The following IPMK variants were observed in gnomAD, a reference collection of about 807,000 sequenced individuals.
The protein encoded by IPMK is inositol polyphosphate multikinase, also known as inositol 1,3,4,6-tetrakisphosphate 5-kinase.
IPMK carries 17 observed loss-of-function variants against 45.8 expected under a neutral mutation model. The observed-to-expected ratio is 0.37, with a 90% CI of 0.25 to 0.56. IPMK has a LOEUF of 0.56. Among genes scored for constraint, IPMK ranks in the 20% least tolerant of loss-of-function variants. IPMK has a pLI of 0.79. For missense variants in IPMK, 399 were observed against 498.0 expected (o/e 0.80, Z 1.89); for synonymous variants, 180 against 184.3 (o/e 0.98, Z 0.19).
chr10:58,251,833 T>A (rs901858701), intron 1 of IPMK, among the ~76,000 whole-genome samples: 2 of 152,232 alleles, frequency 1.3e-5, no homozygotes, highest in Admixed American at 1.3e-4. Context: ...TTGCATGGAA[T>A]ATCTTTCTAT....
chr10:58,217,068 C>T (rs192385793), intron 3 of IPMK, among the ~76,000 whole-genome samples: 3 of 150,406 alleles, frequency 2.0e-5, no homozygotes, highest in Non-Finnish European at 3.0e-5. Flanking sequence ...AGCCTGGTCT[C>T]GAACTTCTGG....
At chr10:58,197,674 A>AG (rs1298190414) in intron 5 of IPMK, among the ~76,000 whole-genome samples, 36 of 70,750 alleles carry the variant, frequency 5.1e-4, no homozygotes, top group African/African-American at 4.5e-3. Context: ...AGAAAAGAAA[A>AG]AAAAAAAAAA....
At chr10:58,254,131 G>A (rs1838928451) in intron 1 of IPMK, among the ~76,000 whole-genome samples, 2 of 151,960 alleles carry the variant, frequency 1.3e-5, no homozygotes, top group Admixed American at 1.3e-4. Context: ...TACCTTCTAG[G>A]CCTTTTTCAC....
intron 1 of IPMK, among the ~76,000 whole-genome samples, chr10:58,248,566 ATTCTC>A (rs1174134764): frequency 1.3e-5 from 2 of 152,162 alleles, no homozygotes; most frequent in African/African-American, 4.8e-5. Context: ...CATATCAAAT[ATTCTC>A]TTCTAGCTAT....
chr10:58,234,858 C>G (rs1341644539), intron 2 of IPMK, among the ~76,000 whole-genome samples: 1 of 152,160 alleles, frequency 6.6e-6, no homozygotes, highest in Non-Finnish European at 1.5e-5. Flanking sequence ...GCAAAAGAAA[C>G]TACCATCAGA....
rs1839154693 is a variant in IPMK at position 58,266,845 on chromosome 10, C to T, written c.190+577G>A. 2.6e-5 allele frequency among the ~76,000 whole-genome samples: 4 copies of T among 152,134 alleles called. No homozygotes were observed. In the South Asian group the frequency reaches 8.3e-4, roughly 31 times the overall value. On this transcript the variant is annotated intron_variant, in intron 1 of 5. Coordinates refer to ENST00000373935, the MANE Select transcript of IPMK (RefSeq NM_152230.5). ...CCGAGTTTCTGCACTACTGGAACCACGCCTCCCAGAGAAATCAAGGAGACA... is the reference window on the plus strand; with the variant it reads ...CCGAGTTTCTGCACTACTGGAACCATGCCTCCCAGAGAAATCAAGGAGACA...
chr10:58,209,685 A>G (rs548603464), intron 4 of IPMK, among the ~76,000 whole-genome samples: 49 of 152,258 alleles, frequency 3.2e-4, no homozygotes, highest in Admixed American at 2.9e-3. Flanking sequence ...AGAATCCTTC[A>G]TCGTAGGTAG....
chr10:58,262,725 A>C (rs888450593), intron 1 of IPMK, among the ~76,000 whole-genome samples: 9 of 152,258 alleles, frequency 5.9e-5, no homozygotes, highest in African/African-American at 2.2e-4. Flanking sequence ...CATTTGAGCA[A>C]CAAAATAAAT....
At chr10:58,232,919 G>C (rs934458213) in intron 2 of IPMK, among the ~76,000 whole-genome samples, 1 of 152,034 alleles carries the variant, frequency 6.6e-6, no homozygotes, top group Non-Finnish European at 1.5e-5. Context: ...CAACAAAACT[G>C]ATAGACCACT....
chr10:58,227,174 A>C, intron 2 of IPMK, 35 bp from the exon 3 acceptor site: 1 of 1,444,158 alleles, frequency 6.9e-7, no homozygotes, highest in Non-Finnish European at 9.7e-7. Flanking sequence ...CTAGATTCTT[A>C]CAATGCTTTG....
intron 1 of IPMK, among the ~76,000 whole-genome samples, chr10:58,250,871 AT>A (rs1838871080): frequency 6.6e-6 from 1 of 152,158 alleles, no homozygotes; most frequent in African/African-American, 2.4e-5. Context: ...TTTGGTGAGA[AT>A]TTTTATCAGG....
chr10:58,266,664 T>C (rs1317159369), intron 1 of IPMK, among the ~76,000 whole-genome samples: 2 of 152,192 alleles, frequency 1.3e-5, no homozygotes, highest in Admixed American at 1.3e-4. Flanking sequence ...GTAAACTAGA[T>C]GAATTAGAGT....
chr10:58,256,268 G>C (rs1249282054), intron 1 of IPMK, among the ~76,000 whole-genome samples: 1 of 152,150 alleles, frequency 6.6e-6, no homozygotes. Flanking sequence ...ATACCCCTGG[G>C]AAAGGAATGC....
chr10:58,238,642 G>T (rs1488710550), intron 1 of IPMK, among the ~76,000 whole-genome samples: 1 of 152,096 alleles, frequency 6.6e-6, no homozygotes. Flanking sequence ...CAAGTGTTAG[G>T]AATTTTTTTC....
intron 1 of IPMK, among the ~76,000 whole-genome samples, chr10:58,240,487 T>C (rs2132167161): frequency 1.3e-5 from 2 of 151,876 alleles, no homozygotes; most frequent in East Asian, 3.9e-4. Flanking sequence ...GAGAAAAAAT[T>C]CTGGGCTTTC....
chr10:58,211,901 CAAAAA>C (rs753050298), intron 4 of IPMK, among the ~76,000 whole-genome samples: 7 of 50,388 alleles, frequency 1.4e-4, no homozygotes, highest in African/African-American at 5.4e-4. Context: ...GACATCTCAC[CAAAAA>C]AAAAAAAAAA....
chr10:58,193,486 A>G lies in IPMK; in HGVS notation c.*2590T>C, dbSNP rs1193702057. On this transcript the variant is annotated 3_prime_UTR_variant, in exon 6 of 6. Coordinates refer to ENST00000373935, the MANE Select transcript of IPMK (RefSeq NM_152230.5). Reference sequence around the variant, plus strand: ...TTAGATAAAATATTTAGCATTTATCATTGATTTTAATTTATTTGAATCTAT... The same window carrying G: ...TTAGATAAAATATTTAGCATTTATCGTTGATTTTAATTTATTTGAATCTAT... The G allele has an allele frequency of 1.3e-5, 2 of 151,860 alleles. No homozygotes were observed. The highest frequency in any genetic ancestry group is 3.8e-4 in the East Asian group (2 of 5,200). 9.4% of individuals were successfully genotyped at this position (151,860 alleles called of 1,614,324 possible). A position where few individuals can be genotyped will look rare whatever the true frequency, so the allele number is the denominator to read the frequency against.
At chr10:58,197,579 G>A (rs1174743570) in intron 5 of IPMK, among the ~76,000 whole-genome samples, 3 of 151,450 alleles carry the variant, frequency 2.0e-5, no homozygotes, top group Non-Finnish European at 2.9e-5. Context: ...GAACCCAGAA[G>A]GCGGAGCTTG....
At chr10:58,252,436 G>GTT (rs201330209) in intron 1 of IPMK, among the ~76,000 whole-genome samples, 1,641 of 129,920 alleles carry the variant, frequency 0.013, 20 homozygotes, top group African/African-American at 0.04. Flanking sequence ...GAATTTGACT[G>GTT]TTTTTTTTTT....
Sources: allele counts gnomAD v4.1 joint callset (sites outside exome capture counted in the v4.1 genomes callset), GRCh38; gene constraint gnomAD v4.1.1; transcripts MANE v1.5; gene names NCBI Gene and HGNC (gene_info 2026-07-23, HGNC 2026-07-21).